The following MAMLD1 variants were observed in gnomAD, a reference collection of about 807,000 sequenced individuals.
MAMLD1 encodes mastermind-like domain-containing protein 1.
Under a neutral mutation model 45.0 loss-of-function variants are expected in MAMLD1, and 14 were observed. The ratio of observed to expected loss-of-function variants is 0.31; its 90% confidence interval spans 0.21 to 0.49. The LOEUF is 0.49. Ranked by LOEUF, MAMLD1 falls within the 20% of genes least tolerant of loss-of-function variation. The pLI, the probability that MAMLD1 is intolerant of heterozygous loss-of-function variation, is 0.99. For synonymous variants in MAMLD1, 254 were observed against 247.8 expected (o/e 1.02, Z -0.24); for missense variants, 543 against 603.6 (o/e 0.90, Z 1.05).
At chrX:150,507,761 T>C (rs781872282) in intron 6 of MAMLD1, among the ~76,000 whole-genome samples, 6 of 112,479 alleles carry the variant, frequency 5.3e-5, no homozygotes, top group Non-Finnish European at 1.1e-4. Context: ...CGGCGTGGCC[T>C]TTCCTTTTGT....
intron 1 of MAMLD1, among the ~76,000 whole-genome samples, chrX:150,406,119 C>T (rs1281949948): frequency 9.0e-6 from 1 of 111,457 alleles, no homozygotes; most frequent in Non-Finnish European, 1.9e-5. Flanking sequence ...ACTATGACAA[C>T]AGTTGATCTT....
intron 5 of MAMLD1, among the ~76,000 whole-genome samples, chrX:150,497,921 G>T (rs782799671): frequency 6.3e-5 from 7 of 111,069 alleles, no homozygotes; most frequent in African/African-American, 2.3e-4. Context: ...TCATGGGCAG[G>T]TCGCTTAACC....
chrX:150,502,650 G>T (rs1182673922), intron 5 of MAMLD1, among the ~76,000 whole-genome samples: 1 of 112,270 alleles, frequency 8.9e-6, no homozygotes, highest in Admixed American at 9.4e-5. Flanking sequence ...AAATCTTGGG[G>T]CCCTAGTGGG....
At chrX:150,379,081 T>C (rs2032474263) in intron 1 of MAMLD1, among the ~76,000 whole-genome samples, 1 of 112,093 alleles carries the variant, frequency 8.9e-6, no homozygotes, top group Non-Finnish European at 1.9e-5. Flanking sequence ...ATCTATTCCT[T>C]TTTATTTATT....
intron 1 of MAMLD1, among the ~76,000 whole-genome samples, chrX:150,370,150 A>G (rs1440818174): frequency 2.7e-5 from 3 of 109,589 alleles, no homozygotes; most frequent in Non-Finnish European, 5.7e-5. Flanking sequence ...GAGATAAATG[A>G]TGGAGGAACA....
At chrX:150,403,982 A>AGAAGGGAGGG (rs2033923196) in intron 1 of MAMLD1, among the ~76,000 whole-genome samples, 1 of 97,975 alleles carries the variant, frequency 1.0e-5, no homozygotes, top group African/African-American at 3.7e-5. Flanking sequence ...GAAAGAAAGA[A>AGAAGGGAGGG]AGAAAGAAAG....
At chrX:150,423,910 TA>T (rs1557403703) in intron 1 of MAMLD1, among the ~76,000 whole-genome samples, 1 of 112,545 alleles carries the variant, frequency 8.9e-6, no homozygotes, top group African/African-American at 3.2e-5. Context: ...AAGATGATGC[TA>T]AACAAGTTCA....
chrX:150,400,470 C>T (rs958895663), intron 1 of MAMLD1, among the ~76,000 whole-genome samples: 243 of 111,625 alleles, frequency 2.2e-3, no homozygotes, highest in Non-Finnish European at 3.7e-3. Context: ...GCCTCATTGC[C>T]CTGGCCAGAA....
At chrX:150,495,394 A>G (rs1409722909) in intron 5 of MAMLD1, among the ~76,000 whole-genome samples, 2 of 112,150 alleles carry the variant, frequency 1.8e-5, no homozygotes, top group African/African-American at 6.5e-5. Flanking sequence ...GCCCACCACC[A>G]TCAGGACACT....
intron 1 of MAMLD1, among the ~76,000 whole-genome samples, chrX:150,414,191 G>T (rs1470626821): frequency 1.8e-5 from 2 of 110,883 alleles, no homozygotes; most frequent in African/African-American, 3.3e-5. Context: ...AATAGTGAGT[G>T]AGTGCTTAGA....
At chrX:150,440,062 A>C (rs1676234375) in intron 1 of MAMLD1, among the ~76,000 whole-genome samples, 2 of 111,861 alleles carry the variant, frequency 1.8e-5, no homozygotes, top group South Asian at 7.4e-4. Context: ...GTAAGTCTTA[A>C]AATCAGGACG....
intron 1 of MAMLD1, among the ~76,000 whole-genome samples, chrX:150,403,363 A>G (rs2033869205): frequency 8.9e-6 from 1 of 111,796 alleles, no homozygotes; most frequent in South Asian, 3.7e-4. Context: ...GGTGACATAA[A>G]TGTTTTGGAA....
chrX:150,443,902 T>C (rs1456235453), intron 1 of MAMLD1, among the ~76,000 whole-genome samples: 1 of 112,335 alleles, frequency 8.9e-6, no homozygotes, highest in Non-Finnish European at 1.9e-5. Flanking sequence ...CTGCCGATAA[T>C]ATTTTCCATT....
chrX:150,416,290 C>T (rs1351456596), intron 1 of MAMLD1, among the ~76,000 whole-genome samples: 1 of 111,666 alleles, frequency 9.0e-6, no homozygotes, highest in Non-Finnish European at 1.9e-5. Flanking sequence ...CTCCTTTGCT[C>T]ACCATAGATC....
intron 1 of MAMLD1, among the ~76,000 whole-genome samples, chrX:150,430,019 C>CTTTTTTTTTTTTT (rs1174092962): frequency 7.1e-4 from 35 of 49,226 alleles, no homozygotes; most frequent in African/African-American, 1.4e-3. Flanking sequence ...TCTTTCTTTT[C>CTTTTTTTTTTTTT]TTTTTTTTTT....
intron 1 of MAMLD1, among the ~76,000 whole-genome samples, chrX:150,368,411 T>G (rs1262291640): frequency 3.6e-5 from 4 of 110,698 alleles, no homozygotes; most frequent in African/African-American, 1.3e-4. Flanking sequence ...GGGGTTGTTT[T>G]TTTTTTTTCT....
intron 3 of MAMLD1, among the ~76,000 whole-genome samples, chrX:150,467,149 C>T (rs1395402657): frequency 4.5e-5 from 5 of 112,237 alleles, no homozygotes; most frequent in Non-Finnish European, 3.8e-5. Flanking sequence ...CACATGCAAT[C>T]ATCCCTGATT....
chrX:150,397,774 T>C (rs183304177), intron 1 of MAMLD1, among the ~76,000 whole-genome samples: 3 of 111,666 alleles, frequency 2.7e-5, no homozygotes, highest in Admixed American at 9.5e-5. Context: ...TAATTGGTCA[T>C]TCAGTCCTAA....
chrX:150,369,205 G>A (rs1345874351), intron 1 of MAMLD1, among the ~76,000 whole-genome samples: 8 of 109,985 alleles, frequency 7.3e-5, no homozygotes, highest in Non-Finnish European at 1.1e-4. Context: ...CATTAGCCTA[G>A]GAGCTGGGAA....
Sources: gnomAD v4.1 joint callset for allele counts (sites outside exome capture counted in the v4.1 genomes callset) on GRCh38, gnomAD v4.1.1 for gene constraint, MANE v1.5 for transcripts, NCBI Gene and HGNC (gene_info 2026-07-23, HGNC 2026-07-21) for gene names.